Variants in CCDC171 observed in about 807,000 individuals in gnomAD.
CCDC171 encodes the protein coiled-coil domain containing 171.
In CCDC171, 177 loss-of-function variants were observed where a neutral mutation model predicts 168.2. The observed-to-expected ratio is 1.05, with a 90% CI of 0.93 to 1.19. The LOEUF is 1.19. CCDC171 is among the 50% of genes most tolerant of loss of function. The pLI is 0.00. For synonymous variants in CCDC171, 687 were observed against 540.8 expected, an observed-to-expected ratio of 1.27 and a Z score of -3.75; for missense variants, 1,991 against 1,539.0, an observed-to-expected ratio of 1.29 and a Z score of -4.91.
chr9:15,710,556 C>T lies in CCDC171; in HGVS notation c.1319-11213C>T, dbSNP rs576282669. On this transcript the variant is annotated intron_variant, in intron 11 of 25. Transcript: ENST00000380701. ...GACCTCATGATCCGCCCGCCTCGAC[C>T]TCCCAAAGTGCTGGGATTACAGGTG... Among the ~76,000 whole-genome samples the T allele has an allele frequency of 4.1e-4, 62 of 152,138 alleles. No individual in the cohort carries two copies. The South Asian group carries it at 6.9e-3, about 17-fold the overall frequency.
chr9:15,600,667 A>C (rs1374685534), intron 6 of CCDC171, among the ~76,000 whole-genome samples: 1 of 152,216 alleles, frequency 6.6e-6, no homozygotes, highest in African/African-American at 2.4e-5. Context: ...CAAAGCTGTC[A>C]GACAGGGACA....
rs1271509312 is a variant in CCDC171, at chr9:15,913,710, G to C, written c.3601-6560G>C. ...GCTGGCGAGGAGTTGTGATCATTTG[G>C]AGAAGAGGGATTCTGGTTTTTGGAA... On this transcript the variant is annotated intron_variant, in intron 24 of 25. Coordinates refer to ENST00000380701, the MANE Select transcript of CCDC171 (RefSeq NM_173550.4). Among the ~76,000 whole-genome samples the C allele has an allele frequency of 2.6e-5, 4 of 152,158 alleles. No individual in the cohort carries two copies. The East Asian group carries it at 7.7e-4, about 29-fold the overall frequency.
chr9:15,733,620 C>T (rs190195161), intron 16 of CCDC171, among the ~76,000 whole-genome samples: 1 of 151,334 alleles, frequency 6.6e-6, no homozygotes, highest in Non-Finnish European at 1.5e-5. Context: ...CTTGTCTGTT[C>T]CATTTATTTA....
At chr9:15,985,595 G>T (rs987489442) in intron 3 of CCDC171, among the ~76,000 whole-genome samples, 3 of 152,120 alleles carry the variant, frequency 2.0e-5, no homozygotes, top group African/African-American at 7.2e-5. Flanking sequence ...CCCAAATTAG[G>T]CAGCAATGGA....
At chr9:15,743,408 G>C (rs1424397974) in intron 16 of CCDC171, among the ~76,000 whole-genome samples, 1 of 151,836 alleles carries the variant, frequency 6.6e-6, no homozygotes, top group African/African-American at 2.4e-5. Context: ...TTGAGCTCAA[G>C]CAATCCTCTT....
intron 6 of CCDC171, among the ~76,000 whole-genome samples, chr9:15,595,850 G>A (rs1373071391): frequency 1.3e-5 from 2 of 152,170 alleles, no homozygotes; most frequent in Admixed American, 1.3e-4. Flanking sequence ...TAACTGGTGT[G>A]AGATAGGTAC....
chr9:15,862,410 A>T, intron 23 of CCDC171, among the ~76,000 whole-genome samples: 1 of 150,530 alleles, frequency 6.6e-6, no homozygotes, highest in South Asian at 2.1e-4. Context: ...GTTCCTCTTA[A>T]GTTTTCTTAT....
chr9:15,960,252 G>C (rs1830213688), intron 25 of CCDC171, among the ~76,000 whole-genome samples: 1 of 152,192 alleles, frequency 6.6e-6, no homozygotes, highest in Admixed American at 6.5e-5. Flanking sequence ...TCAGGATGAA[G>C]ATTAGTTAAG....
chr9:15,840,612 C>T (rs1180522320), intron 21 of CCDC171, among the ~76,000 whole-genome samples: 1 of 152,076 alleles, frequency 6.6e-6, no homozygotes, highest in Non-Finnish European at 1.5e-5. Context: ...ATGAGGTCTG[C>T]AGTGCAGCCA....
intron 25 of CCDC171, among the ~76,000 whole-genome samples, chr9:15,959,247 G>C (rs1316791720): frequency 6.6e-6 from 1 of 152,134 alleles, no homozygotes; most frequent in African/African-American, 2.4e-5. Flanking sequence ...TCTACCTTAC[G>C]ATGTGGCCTT....
intron 6 of CCDC171, among the ~76,000 whole-genome samples, chr9:16,024,569 A>G (rs78511611): frequency 0.012 from 1,811 of 152,318 alleles, 37 homozygotes; most frequent in African/African-American, 0.041. Flanking sequence ...CAGACCTAGC[A>G]ACGCAGGTTC....
At chr9:15,608,944 CA>C (rs71491669) in intron 6 of CCDC171, among the ~76,000 whole-genome samples, 108 of 13,710 alleles carry the variant, frequency 7.9e-3, no homozygotes, top group East Asian at 0.023. Flanking sequence ...GACCCTGTCT[CA>C]AAAAAAAAAA....
intron 24 of CCDC171, among the ~76,000 whole-genome samples, chr9:15,893,576 A>G (rs1467676161): frequency 2.0e-5 from 3 of 152,172 alleles, no homozygotes; most frequent in Non-Finnish European, 1.5e-5. Flanking sequence ...ACTTAAACCA[A>G]TTTACAAGAA....
chr9:15,645,057 G>C (rs189363841), intron 7 of CCDC171, among the ~76,000 whole-genome samples: 2 of 152,204 alleles, frequency 1.3e-5, no homozygotes, highest in Admixed American at 6.5e-5. Flanking sequence ...CCAGAGGAAC[G>C]ATCAGGCAGC....
At chr9:15,671,687 C>G (rs2049122966) in intron 9 of CCDC171, among the ~76,000 whole-genome samples, 1 of 118,194 alleles carries the variant, frequency 8.5e-6, no homozygotes, top group Non-Finnish European at 1.8e-5. Flanking sequence ...AGGACGTGAG[C>G]TCATCCTTTT....
intron 24 of CCDC171, among the ~76,000 whole-genome samples, chr9:15,899,546 A>G (rs1177684328): frequency 1.3e-5 from 2 of 152,124 alleles, no homozygotes; most frequent in African/African-American, 4.8e-5. Context: ...GTGTAGTGAT[A>G]TCTTACTATG....
chr9:15,713,043 C>A (rs1588100500), intron 11 of CCDC171, among the ~76,000 whole-genome samples: 1 of 152,292 alleles, frequency 6.6e-6, no homozygotes, highest in East Asian at 1.9e-4. Context: ...AACCTTGTTA[C>A]CAATTTTCTA....
At chr9:16,017,386 C>T (rs572874358) in intron 3 of CCDC171, among the ~76,000 whole-genome samples, 39 of 152,026 alleles carry the variant, frequency 2.6e-4, no homozygotes, top group African/African-American at 9.2e-4. Context: ...ACATAGACAA[C>T]GCATAATTAT....
At chr9:15,889,723 T>C (rs1819936069) in intron 24 of CCDC171, among the ~76,000 whole-genome samples, 1 of 152,230 alleles carries the variant, frequency 6.6e-6, no homozygotes, top group African/African-American at 2.4e-5. Flanking sequence ...TGAAATGCCT[T>C]GACACATAAC....
Sources: gnomAD v4.1 joint callset for allele counts (sites outside exome capture counted in the v4.1 genomes callset) on GRCh38, gnomAD v4.1.1 for gene constraint, MANE v1.5 for transcripts, NCBI Gene and HGNC (gene_info 2026-07-23, HGNC 2026-07-21) for gene names.